MSRA: variants seen among roughly 807,000 people sequenced by gnomAD.
The protein encoded by MSRA is mitochondrial peptide methionine sulfoxide reductase.
In MSRA, 54 loss-of-function variants were observed where a neutral mutation model predicts 31.3. The observed-to-expected ratio is 1.73, with a 90% CI of 1.39 to 2.17. The LOEUF (loss-of-function observed/expected upper bound fraction) is 2.17, where lower values mean the gene tolerates loss of function less well. MSRA is among the 30% of genes most tolerant of loss of function. The pLI is 0.00. For missense variants in MSRA, 507 were observed against 300.9 expected (o/e 1.69, Z -5.07); for synonymous variants, 169 against 116.5 (o/e 1.45, Z -2.90).
intron 1 of MSRA, among the ~76,000 whole-genome samples, chr8:10,182,615 A>G (rs746466472): frequency 1.3e-5 from 2 of 152,254 alleles, no homozygotes; most frequent in South Asian, 4.2e-4. Context: ...TATGGGTTAC[A>G]TGAGATGTTA....
chr8:10,418,437 C>G (rs1316192852), intron 5 of MSRA, among the ~76,000 whole-genome samples: 1 of 152,110 alleles, frequency 6.6e-6, no homozygotes, highest in Non-Finnish European at 1.5e-5. Context: ...TGCCTGGCGA[C>G]TGCTGGGGGA....
At chr8:10,194,302 C>T (rs1010841760) in intron 1 of MSRA, among the ~76,000 whole-genome samples, 1 of 152,236 alleles carries the variant, frequency 6.6e-6, no homozygotes, top group African/African-American at 2.4e-5. Flanking sequence ...CTCCATGGCT[C>T]CTGCCTGTAA....
chr8:10,269,299 C>G lies in MSRA; in HGVS notation c.331+24076C>G, dbSNP rs147519482. Among the ~76,000 whole-genome samples, 347 of 152,348 alleles carry G rather than the reference C, an allele frequency of 2.3e-3. 1 individual carries two copies. Among genetic ancestry groups the G allele is most frequent in the Non-Finnish European group, 4.0e-3 (273 of 68,030 alleles). ...TCATTGTAACTCATCCCTTTGTCAA[C>G]TATTCTTCAGTGGGAAAATAAAGGC... On this transcript the variant is annotated intron_variant, in intron 3 of 5. Transcript: ENST00000317173.
Position 10,260,695 on chromosome 8 carries a change from TG to T in MSRA, c.331+15479del, listed in dbSNP as rs372347021. Among the ~76,000 whole-genome samples the T allele has an allele frequency of 9.9e-5, 15 of 151,820 alleles. No homozygotes were observed. The South Asian group carries it at 1.9e-3, about 19-fold the overall frequency. On this transcript the variant is annotated intron_variant, in intron 3 of 5. Transcript: ENST00000317173. ...GGAAATGAACAGCAGTTTGCATTGG[TG>T]GGGGGGAATAAAAAGCAAACGAGAT... is the stretch of plus-strand genomic sequence containing the variant.
At chr8:10,385,220 C>T (rs976055870) in intron 5 of MSRA, among the ~76,000 whole-genome samples, 1 of 152,110 alleles carries the variant, frequency 6.6e-6, no homozygotes, top group African/African-American at 2.4e-5. Context: ...GCTGATGGCA[C>T]GCCAGGGTGA....
chr8:10,284,061 G>C (rs1585362821), intron 3 of MSRA, among the ~76,000 whole-genome samples: 1 of 151,688 alleles, frequency 6.6e-6, no homozygotes. Flanking sequence ...CTTTTAGTTT[G>C]TTAAGGAATC....
intron 5 of MSRA, among the ~76,000 whole-genome samples, chr8:10,423,685 G>C (rs936432785): frequency 6.6e-6 from 1 of 152,208 alleles, no homozygotes; most frequent in African/African-American, 2.4e-5. Context: ...CAAGGACACA[G>C]CACCACAGGG....
intron 3 of MSRA, among the ~76,000 whole-genome samples, chr8:10,289,624 C>T (rs1011585614): frequency 2.0e-5 from 3 of 152,166 alleles, no homozygotes; most frequent in African/African-American, 7.2e-5. Flanking sequence ...TCATCCATCG[C>T]ATGGAGAGTT....
chr8:10,344,055 G>T (rs1175071654), intron 5 of MSRA, among the ~76,000 whole-genome samples: 1 of 152,192 alleles, frequency 6.6e-6, no homozygotes, highest in Non-Finnish European at 1.5e-5. Flanking sequence ...GCCTGGAACT[G>T]ACATAAGATC....
intron 1 of MSRA, among the ~76,000 whole-genome samples, chr8:10,118,071 C>T (rs187339969): frequency 1.2e-4 from 19 of 152,290 alleles, no homozygotes; most frequent in Admixed American, 9.8e-4. Flanking sequence ...AAGGTTTTGG[C>T]GATTTTCTTT....
intron 1 of MSRA, among the ~76,000 whole-genome samples, chr8:10,152,177 G>C (rs1803737684): frequency 6.6e-6 from 1 of 152,176 alleles, no homozygotes; most frequent in African/African-American, 2.4e-5. Flanking sequence ...TTGGACTTCA[G>C]CTTGAAAAGT....
At chr8:10,095,156 A>G (rs1799068083) in intron 1 of MSRA, among the ~76,000 whole-genome samples, 1 of 152,222 alleles carries the variant, frequency 6.6e-6, no homozygotes, top group Non-Finnish European at 1.5e-5. Flanking sequence ...AGTCTTATAA[A>G]AAGAAATACA....
At position 10,385,153 on chromosome 8, in the gene MSRA, T is replaced by C. The variant is rs183140234; in HGVS notation, c.544-42995T>C. 4.6e-5 allele frequency among the ~76,000 whole-genome samples: 7 copies of C among 152,258 alleles called. No homozygotes were observed. The East Asian group carries it at 1.2e-3, about 25-fold the overall frequency. ...GATGGAGGTCAGTGAATGGAAATTA[T>C]GGGGGAAACACCAGGAGTAAGGGGG... On this transcript the variant is annotated intron_variant, in intron 5 of 5. Coordinates refer to ENST00000317173, the MANE Select transcript of MSRA (RefSeq NM_012331.5).
chr8:10,143,430 A>G (rs2129032258), intron 1 of MSRA, among the ~76,000 whole-genome samples: 1 of 152,278 alleles, frequency 6.6e-6, no homozygotes, highest in East Asian at 1.9e-4. Context: ...CAGCCCCGTT[A>G]CTATGGTAAC....
At chr8:10,312,835 A>G (rs1801507016) in intron 4 of MSRA, among the ~76,000 whole-genome samples, 1 of 152,234 alleles carries the variant, frequency 6.6e-6, no homozygotes, top group African/African-American at 2.4e-5. Context: ...AGTACTGAAT[A>G]CAATTCAGTA....
chr8:10,300,383 G>A (rs1443053926), intron 3 of MSRA, among the ~76,000 whole-genome samples: 1 of 152,040 alleles, frequency 6.6e-6, no homozygotes, highest in Non-Finnish European at 1.5e-5. Context: ...AGCGTCCCGA[G>A]TAGCTGGGAT....
At chr8:10,277,329 C>G (rs1263420299) in intron 3 of MSRA, among the ~76,000 whole-genome samples, 7 of 152,182 alleles carry the variant, frequency 4.6e-5, no homozygotes, top group South Asian at 2.1e-4. Flanking sequence ...GAACACAGCT[C>G]TAGGAGTCAG....
chr8:10,395,184 G>T (rs1158362906), intron 5 of MSRA, among the ~76,000 whole-genome samples: 1 of 152,138 alleles, frequency 6.6e-6, no homozygotes, highest in South Asian at 2.1e-4. Flanking sequence ...TGCAGAGCAT[G>T]GTCCTATTTA....
rs190271767 is a variant in MSRA at position 10,243,465 on chromosome 8, G to A, written c.212-1639G>A. Among the ~76,000 whole-genome samples the A allele has an allele frequency of 1.9e-3, 292 of 152,240 alleles. 1 individual carries two copies. Among genetic ancestry groups the A allele is most frequent in the African/African-American group, 6.7e-3 (280 of 41,526 alleles). On this transcript the variant is annotated intron_variant, in intron 2 of 5. Transcript: ENST00000317173. ...GACCTGTGGATACTTAATTTTTATA[G>A]ATACTCAATAAATATTTATTTATAT...
Sources: allele counts gnomAD v4.1 joint callset (sites outside exome capture counted in the v4.1 genomes callset), GRCh38; gene constraint gnomAD v4.1.1; transcripts MANE v1.5; gene names NCBI Gene and HGNC (gene_info 2026-07-23, HGNC 2026-07-21).